Variants in NF2 observed in about 807,000 individuals in gnomAD.
The protein encoded by NF2 is NF2, moesin-ezrin-radixin like (MERLIN) tumor suppressor.
A neutral mutation model predicts 83.7 loss-of-function variants in NF2; 8 were observed. The ratio of observed to expected loss-of-function variants is 0.10; its 90% CI spans 0.06 to 0.17. NF2 has a LOEUF of 0.17. Among genes scored for constraint, NF2 ranks in the 10% least tolerant of loss-of-function variants. NF2 has a pLI of 1.00. For synonymous variants in NF2, 266 were observed against 269.6 expected, an observed-to-expected ratio of 0.99 and a Z score of 0.13; for missense variants, 533 against 744.4, an observed-to-expected ratio of 0.72 and a Z score of 3.31.
chr22:29,682,532 G>A (rs1191081395), intron 15 of NF2, among the ~76,000 whole-genome samples: 3 of 152,160 alleles, frequency 2.0e-5, no homozygotes, highest in Non-Finnish European at 2.9e-5. Flanking sequence ...AACTGGCACC[G>A]GGTAGAGAAT....
chr22:29,634,330 G>A (rs1433982310), intron 1 of NF2, among the ~76,000 whole-genome samples: 1 of 152,178 alleles, frequency 6.6e-6, no homozygotes, highest in East Asian at 1.9e-4. Context: ...TCACTGTATT[G>A]CAAGTGCCAA....
At chr22:29,628,139 T>C (rs987762749) in intron 1 of NF2, among the ~76,000 whole-genome samples, 7 of 134,866 alleles carry the variant, frequency 5.2e-5, no homozygotes, top group African/African-American at 1.5e-4. Flanking sequence ...GGAGACTTAA[T>C]CTGTGTGTGT....
At chr22:29,620,231 C>A (rs189313313) in intron 1 of NF2, among the ~76,000 whole-genome samples, 32 of 152,136 alleles carry the variant, frequency 2.1e-4, no homozygotes, top group African/African-American at 7.2e-4. Context: ...TGCACTCCAG[C>A]CTGGGCGACA....
chr22:29,658,104 G>A, intron 6 of NF2, 85 bp from the exon 7 acceptor site: 1 of 1,245,430 alleles, frequency 8.0e-7, no homozygotes, highest in South Asian at 1.2e-5. Flanking sequence ...AGGAATGGCA[G>A]GGTCAGAATG....
At chr22:29,650,778 T>C (rs2146948967) in intron 4 of NF2, among the ~76,000 whole-genome samples, 1 of 152,270 alleles carries the variant, frequency 6.6e-6, no homozygotes. Context: ...AATTTTTGTA[T>C]TTTTAGTACA....
chr22:29,605,693 AAGAAAATCTACAAATTC>A, intron 1 of NF2, among the ~76,000 whole-genome samples: 1 of 152,306 alleles, frequency 6.6e-6, no homozygotes, highest in East Asian at 1.9e-4. Context: ...ACACCTATTC[AAGAAAATCTACAAATTC>A]GGTAAGAAAG....
At position 29,639,138 on chromosome 22, in the gene NF2, T is replaced by G. The variant is rs2146871004; in HGVS notation, c.289T>G (p.Leu97Val). Reference sequence around the variant, plus strand: ...GGAAGAACCAGTCACCTTTCACTTCTTGGCCAAATTTTATCCTGAGAATGC... The same window carrying G: ...GGAAGAACCAGTCACCTTTCACTTCGTGGCCAAATTTTATCCTGAGAATGC... ...SKEEPVTFHF[L>V]AKFYPENAEE... Residue 97 changes from leucine (L) to valine (V), a missense_variant, in exon 3 of 16, where the codon TTG (leucine) becomes GTG (valine). By Grantham distance (32) the Leu-to-Val change is conservative (BLOSUM62 1). Coordinates refer to ENST00000338641, the MANE Select transcript of NF2 (RefSeq NM_000268.4). 1 of 1,614,210 alleles carries G rather than the reference T, an allele frequency of 6.2e-7. No individual in the cohort carries two copies. The highest frequency in any genetic ancestry group is 8.5e-7 in the Non-Finnish European group (1 of 1,180,032).
At chr22:29,607,279 G>A (rs1401618498) in intron 1 of NF2, among the ~76,000 whole-genome samples, 1 of 151,878 alleles carries the variant, frequency 6.6e-6, no homozygotes, top group African/African-American at 2.4e-5. Context: ...TAGAGTAAGA[G>A]CAAGTTATGC....
chr22:29,678,954 C>G (rs1322411216), intron 14 of NF2, among the ~76,000 whole-genome samples: 1 of 152,228 alleles, frequency 6.6e-6, no homozygotes, highest in African/African-American at 2.4e-5. Context: ...GCGAGGGCCC[C>G]TAGTTCCCAG....
In NF2 at chr22:29,636,695, G is replaced by T. The variant is rs2065655851; in HGVS notation, c.115-56G>T. On this transcript the variant is annotated intron_variant, in intron 1 of 15. Coordinates refer to ENST00000338641, the MANE Select transcript of NF2 (RefSeq NM_000268.4). The surrounding 1 kb of genome is among the most constrained non-coding windows in gnomAD (Gnocchi z 4.4). ...CTGAGAGTGGAGAGTGCAGAGAAAAGGTTTTATTAATGATTTTTGCTCACA... is the reference window on the plus strand; with the variant it reads ...CTGAGAGTGGAGAGTGCAGAGAAAATGTTTTATTAATGATTTTTGCTCACA... 2 of 1,613,228 alleles carry T rather than the reference G, an allele frequency of 1.2e-6. No individual in the cohort carries two copies. Among genetic ancestry groups the T allele is most frequent in the African/African-American group, 1.3e-5 (1 of 74,994 alleles).
rs1057509230 is a variant in NF2 at position 29,696,798 on chromosome 22, T to G, written c.*1996T>G. 4 of 191,484 alleles carry G rather than the reference T, an allele frequency of 2.1e-5. No individual in the cohort carries two copies. Among genetic ancestry groups the G allele is most frequent in the Non-Finnish European group, 3.2e-5 (3 of 94,636 alleles). 11.9% of individuals were successfully genotyped at this position (191,484 alleles called of 1,614,324 possible). ...GAGGTCTGGCTCTGCCTCCTCCGTT[T>G]TTTTTTTTTTTCTGTTTCTGTTTCT... On this transcript the variant is annotated 3_prime_UTR_variant, in exon 16 of 16. Transcript: ENST00000338641.
At chr22:29,608,452 T>A (rs1257792736) in intron 1 of NF2, among the ~76,000 whole-genome samples, 2 of 151,312 alleles carry the variant, frequency 1.3e-5, no homozygotes, top group Non-Finnish European at 2.9e-5. Context: ...GTGGATCACC[T>A]GAGGTCAGGA....
chr22:29,678,358 G>A (rs371891626), intron 14 of NF2, 35 bp downstream of exon 14: 79 of 1,610,366 alleles, frequency 4.9e-5, no homozygotes, highest in Non-Finnish European at 6.6e-5. Context: ...GTGGGCAGCT[G>A]TGAACTAGAC....
rs1341371726 is a variant in NF2, at chr22:29,694,776, C to A, written c.1762C>A (p.Arg588=). The A allele has an allele frequency of 1.2e-6, 2 of 1,613,766 alleles. No homozygotes were observed. The highest frequency in any genetic ancestry group is 1.7e-6 in the Non-Finnish European group (2 of 1,179,860). ...GCTCACCTTGCAGAGCGCCAAGTCC[C>A]GAGTGGCCTTCTTTGAAGAGCTCTA... ...KKLTLQSAKS[R]VAFFEEL Residue 588 remains arginine (R), a synonymous_variant, in exon 16 of 16, where the codon CGA becomes AGA. Coordinates refer to ENST00000338641, the MANE Select transcript of NF2 (RefSeq NM_000268.4). The surrounding 1 kb of genome is among the most constrained non-coding windows in gnomAD (Gnocchi z 4.1).
chr22:29,613,712 T>G (rs58417572), intron 1 of NF2, among the ~76,000 whole-genome samples: 7,986 of 152,102 alleles, frequency 0.053, 501 homozygotes, highest in African/African-American at 0.14. Flanking sequence ...GTCTTGTCTT[T>G]TCTTGCTACA....
At chr22:29,661,382 C>T (rs991289429) in intron 8 of NF2, 43 bp downstream of exon 8, 3 of 1,610,262 alleles carry the variant, frequency 1.9e-6, no homozygotes, top group Admixed American at 3.3e-5. Context: ...CAGATCTTTC[C>T]CTGTCTGCCC....
intron 4 of NF2, among the ~76,000 whole-genome samples, chr22:29,646,715 A>G (rs2065991532): frequency 6.6e-6 from 1 of 152,238 alleles, no homozygotes; most frequent in South Asian, 2.1e-4. Context: ...TGGTTCAGTT[A>G]ACAAGAACCA....
chr22:29,665,272 G>A (rs898446879), intron 9 of NF2, among the ~76,000 whole-genome samples: 12 of 149,342 alleles, frequency 8.0e-5, no homozygotes, highest in Admixed American at 6.7e-5. Context: ...ACAGAGTCTC[G>A]CTCTGTCGCC....
At chr22:29,693,772 G>A (rs1222762304) in intron 15 of NF2, among the ~76,000 whole-genome samples, 1 of 152,030 alleles carries the variant, frequency 6.6e-6, no homozygotes, top group Non-Finnish European at 1.5e-5. Context: ...GCTCCTGATC[G>A]GCACATAACA....
Sources: allele counts gnomAD v4.1 joint callset (sites outside exome capture counted in the v4.1 genomes callset), GRCh38; gene constraint gnomAD v4.1.1; non-coding constraint Gnocchi (gnomAD v3.1); transcripts MANE v1.5; gene names NCBI Gene and HGNC (gene_info 2026-07-23, HGNC 2026-07-21).